Variants in SUGCT observed in about 807,000 individuals in gnomAD.
The protein encoded by SUGCT is succinyl-CoA:glutarate CoA-transferase.
SUGCT carries 41 observed loss-of-function variants against 55.0 expected under a neutral mutation model. That is an observed-to-expected ratio of 0.74 (90% CI 0.58 to 0.97). The LOEUF is 0.97. Ranked by LOEUF, SUGCT falls within the 50% of genes least tolerant of loss-of-function variation. SUGCT has a pLI of 0.00. For missense variants in SUGCT, 568 were observed against 547.8 expected (o/e 1.04, Z -0.37); for synonymous variants, 187 against 200.4 (o/e 0.93, Z 0.56).
At chr7:40,448,961 TAGAGAGAGAGAG>T (rs1163648397) in intron 9 of SUGCT, among the ~76,000 whole-genome samples, 3 of 144,080 alleles carry the variant, frequency 2.1e-5, no homozygotes, top group Non-Finnish European at 3.0e-5. Flanking sequence ...TATATATATA[TAGAGAGAGAGAG>T]AGAGAGAGAG....
chr7:40,981,990 G>A, the SUGCT span, among the ~76,000 whole-genome samples: 37 of 152,296 alleles, frequency 2.4e-4, no homozygotes, highest in East Asian at 3.9e-3. Flanking sequence ...TTGTGGCCCC[G>A]TCAAGTTGAC....
chr7:40,386,190 A>G (rs1785119649), intron 9 of SUGCT, among the ~76,000 whole-genome samples: 1 of 152,208 alleles, frequency 6.6e-6, no homozygotes, highest in Non-Finnish European at 1.5e-5. Flanking sequence ...CACAGCTAGG[A>G]CAAGAGCTTT....
chr7:40,679,955 A>AT (rs1270479122), intron 12 of SUGCT, among the ~76,000 whole-genome samples: 6 of 152,262 alleles, frequency 3.9e-5, no homozygotes, highest in South Asian at 4.1e-4. Context: ...ATGCTGTTTG[A>AT]TTTTTTTAAG....
the SUGCT span, among the ~76,000 whole-genome samples, chr7:40,983,993 C>T: frequency 6.6e-6 from 1 of 152,110 alleles, no homozygotes; most frequent in African/African-American, 2.4e-5. Flanking sequence ...GCCTCTGTAG[C>T]TGGATCCTCT....
the SUGCT span, among the ~76,000 whole-genome samples, chr7:41,013,327 G>T: frequency 1.3e-5 from 2 of 152,252 alleles, no homozygotes; most frequent in South Asian, 2.1e-4. Flanking sequence ...TGTAAAATTA[G>T]TTTGATGATT....
At chr7:40,427,837 C>G (rs1015656470) in intron 9 of SUGCT, among the ~76,000 whole-genome samples, 4 of 152,160 alleles carry the variant, frequency 2.6e-5, no homozygotes, top group Non-Finnish European at 4.4e-5. Context: ...GTTTCATGCC[C>G]TAACATACTC....
chr7:40,665,151 C>T (rs553302297), intron 12 of SUGCT, among the ~76,000 whole-genome samples: 44 of 151,420 alleles, frequency 2.9e-4, no homozygotes, highest in African/African-American at 9.7e-4. Flanking sequence ...TTACAAGTAC[C>T]GGCCAGGCTG....
chr7:40,638,825 C>T (rs923487641), intron 12 of SUGCT, among the ~76,000 whole-genome samples: 7 of 151,908 alleles, frequency 4.6e-5, no homozygotes, highest in South Asian at 2.1e-4. Context: ...TAATAGGGTA[C>T]GTCAGAAATG....
At chr7:40,139,790 C>A (rs1178957677) in intron 1 of SUGCT, among the ~76,000 whole-genome samples, 4 of 152,138 alleles carry the variant, frequency 2.6e-5, no homozygotes, top group Non-Finnish European at 5.9e-5. Flanking sequence ...AGGTCTCAGT[C>A]ATGAATTCTT....
intron 12 of SUGCT, among the ~76,000 whole-genome samples, chr7:40,682,955 A>AT: frequency 6.6e-6 from 1 of 152,260 alleles, no homozygotes; most frequent in South Asian, 2.1e-4. Flanking sequence ...GGTTACTTCC[A>AT]TTTTTGTTGC....
intron 8 of SUGCT, among the ~76,000 whole-genome samples, chr7:40,295,311 C>T (rs988922153): frequency 2.6e-5 from 4 of 152,112 alleles, no homozygotes; most frequent in Non-Finnish European, 4.4e-5. Context: ...TGTGGTGGCT[C>T]ACGCCTGTAA....
chr7:40,445,182 C>G (rs181715326), intron 9 of SUGCT, among the ~76,000 whole-genome samples: 417 of 151,930 alleles, frequency 2.7e-3, no homozygotes, highest in African/African-American at 9.8e-3. Flanking sequence ...ACACAAAAAA[C>G]CCTTAAAAAA....
the SUGCT span, among the ~76,000 whole-genome samples, chr7:41,002,882 A>G: frequency 1.3e-5 from 2 of 152,246 alleles, no homozygotes; most frequent in Non-Finnish European, 2.9e-5. Context: ...AAAAGACCAC[A>G]TAATTCACGC....
intron 1 of SUGCT, among the ~76,000 whole-genome samples, chr7:40,176,057 C>G (rs1289621151): frequency 6.6e-6 from 1 of 152,042 alleles, no homozygotes; most frequent in Non-Finnish European, 1.5e-5. Flanking sequence ...CATGGCGAAA[C>G]CCCGTCTCTA....
intron 1 of SUGCT, among the ~76,000 whole-genome samples, chr7:40,142,772 T>A (rs1788053460): frequency 6.6e-6 from 1 of 152,358 alleles, no homozygotes; most frequent in South Asian, 2.1e-4. Context: ...TTAATCATGA[T>A]ACAAACTCCT....
chr7:40,242,933 A>ATATATATATATATATGTATATTTTTT (rs1270335224), intron 7 of SUGCT, among the ~76,000 whole-genome samples: 2 of 17,204 alleles, frequency 1.2e-4, no homozygotes, highest in African/African-American at 3.0e-4. Context: ...ATATATATAT[A>ATATATATATATATATGTATATTTTTT]TTTTTTTTTT....
rs190794298 is a variant in SUGCT, at chr7:40,766,011, G to C, written c.1153+16514G>C. On this transcript the variant is annotated intron_variant, in intron 13 of 13. Coordinates refer to ENST00000335693, the MANE Select transcript of SUGCT (RefSeq NM_001193313.2). ...AACATTCAACCTTTCGTGTGAGGTG[G>C]GAAAAGGCAAAAGTTTATTTCGGTG... 1.1e-3 allele frequency among the ~76,000 whole-genome samples: 160 copies of C among 152,210 alleles called. 1 individual carries two copies. The highest frequency in any genetic ancestry group is 1.8e-3 in the Non-Finnish European group (124 of 68,014).
At position 40,321,616 on chromosome 7, in the gene SUGCT, C is replaced by G. The variant is rs915702850; in HGVS notation, c.816+4761C>G. ...CAGGCTGGTCTCGAATGCCTGACCT[C>G]AGGTGATCCACCCACCTTGGCCTCC... On this transcript the variant is annotated intron_variant, in intron 9 of 13. Transcript: ENST00000335693. Among the ~76,000 whole-genome samples, 4 of 151,976 alleles carry G rather than the reference C, an allele frequency of 2.6e-5. No individual in the cohort carries two copies. The South Asian group carries it at 8.3e-4, about 32-fold the overall frequency.
intron 12 of SUGCT, among the ~76,000 whole-genome samples, chr7:40,663,971 G>C (rs1485131479): frequency 1.3e-5 from 2 of 152,064 alleles, no homozygotes; most frequent in Non-Finnish European, 2.9e-5. Context: ...TAGGTCACTG[G>C]GGGGAGGGCC....
Sources: allele counts gnomAD v4.1 joint callset (sites outside exome capture counted in the v4.1 genomes callset), GRCh38; gene constraint gnomAD v4.1.1; transcripts MANE v1.5; gene names NCBI Gene and HGNC (gene_info 2026-07-23, HGNC 2026-07-21).